FCGR3A: variants seen among roughly 807,000 people sequenced by gnomAD.
FCGR3A encodes low affinity immunoglobulin gamma Fc region receptor III-A.
Under a neutral mutation model 24.1 loss-of-function variants are expected in FCGR3A, and 13 were observed. That is an observed-to-expected ratio of 0.54 (90% CI 0.35 to 0.86). The LOEUF (loss-of-function observed/expected upper bound fraction) is 0.86. FCGR3A is among the 40% of genes least tolerant of loss of function. The pLI is 0.01. For synonymous variants in FCGR3A, 93 were observed against 112.2 expected, an observed-to-expected ratio of 0.83 and a Z score of 1.08; for missense variants, 235 against 298.0, an observed-to-expected ratio of 0.79 and a Z score of 1.56.
At chr1:161,550,136 GT>G (rs910881645), upstream of FCGR3A, 3 of 515,724 alleles carry the variant, frequency 5.8e-6, no homozygotes, top group Admixed American at 7.3e-5. Flanking sequence ...GAGATTCAAG[GT>G]GGGAGGAGCA....
At position 161,544,689 on chromosome 1, in the gene FCGR3A, C is replaced by T; in HGVS notation, c.577+12G>A. ...GGCGTCCCTGGGCATTCCAGGGTGG[C>T]ACATGTCTCACCTTGAGTGATGGTG... On this transcript the variant is annotated intron_variant, in intron 4 of 4. Transcript: ENST00000443193. 1 of 1,610,590 alleles carries T rather than the reference C, an allele frequency of 6.2e-7. No homozygotes were observed. The highest frequency in any genetic ancestry group is 1.1e-5 in the South Asian group (1 of 90,860).
At position 161,549,712 on chromosome 1, in the gene FCGR3A, C is replaced by G. The variant is rs58856594; in HGVS notation, c.25G>C (p.Ala9Pro). 7 of 1,613,872 alleles carry G rather than the reference C, an allele frequency of 4.3e-6. No homozygotes were observed. The highest frequency in any genetic ancestry group is 1.7e-4 in the Middle Eastern group (1 of 6,060). Residue 9 changes from alanine (A) to proline (P), a missense_variant, in exon 1 of 5, where the codon GCT becomes CCT. Coordinates refer to ENST00000443193, the MANE Select transcript of FCGR3A (RefSeq NM_000569.8). MWQLLLPT[A>P]LLLLVSAGMR... is the part of the protein sequence containing the mutation. ...CCTGACTTACCTAGAAGTAGCAGAG[C>G]AGTTGGGAGGAGCAGCTGCCACATG...
At chr1:161,546,484 C>T (rs193150814) in intron 3 of FCGR3A, among the ~76,000 whole-genome samples, 2 of 152,168 alleles carry the variant, frequency 1.3e-5, no homozygotes, top group Admixed American at 1.3e-4. Flanking sequence ...AAAGAATCTA[C>T]AGTCTAGACA....
At position 161,542,332 on chromosome 1, in the gene FCGR3A, A is replaced by G. The variant is rs1380390576; in HGVS notation, c.*680T>C. 1 of 137,484 alleles carries G rather than the reference A, an allele frequency of 7.3e-6. No homozygotes were observed. The highest frequency in any genetic ancestry group is 1.5e-5 in the Non-Finnish European group (1 of 66,254). The allele number at this position is 137,484 out of a possible 1,614,324, so 8.5% of individuals were successfully genotyped here. A position where few individuals can be genotyped will look rare whatever the true frequency, so the allele number is the denominator to read the frequency against. ...CTTCCTAGGACCATTTTCTACTCCTAGCATTAAGAGGACTCATCGTTATAT... is the reference window on the plus strand; with the variant it reads ...CTTCCTAGGACCATTTTCTACTCCTGGCATTAAGAGGACTCATCGTTATAT... On this transcript the variant is annotated 3_prime_UTR_variant, in exon 5 of 5. Transcript: ENST00000443193.
chr1:161,548,134 A>G (rs1156926493), intron 3 of FCGR3A, among the ~76,000 whole-genome samples: 2 of 152,304 alleles, frequency 1.3e-5, no homozygotes, highest in East Asian at 3.8e-4. Flanking sequence ...CATCTATGCC[A>G]TGGCCTAACC....
In FCGR3A at chr1:161,543,098, A is replaced by T. The variant is rs1195947375; in HGVS notation, c.679T>A (p.Phe227Ile). 6.2e-7 allele frequency: 1 copy of T among 1,613,366 alleles called. No homozygotes were observed. Residue 227 changes from phenylalanine to isoleucine, a missense_variant, in exon 5 of 5, where the codon TTC becomes ATC. Transcript: ENST00000443193. ...LLFAVDTGLY[F>I]SVKTNIRSST... ...CTTCGAATGTTTGTCTTCACAGAGA[A>T]ATATAGTCCTGTGTCCACTGCAAAA... is the stretch of plus-strand genomic sequence containing the variant.
chr1:161,548,121 G>T (rs1368395561), intron 3 of FCGR3A, among the ~76,000 whole-genome samples: 1 of 152,270 alleles, frequency 6.6e-6, no homozygotes, highest in Non-Finnish European at 1.5e-5. Context: ...AACTATTATT[G>T]AGCATCTATG....
chr1:161,548,177 A>G (rs977089606), intron 3 of FCGR3A, among the ~76,000 whole-genome samples: 2 of 152,310 alleles, frequency 1.3e-5, no homozygotes, highest in African/African-American at 4.8e-5. Context: ...TATGCACTCC[A>G]TATGGGGATT....
At chr1:161,549,905 G>C (rs1677672187), upstream of FCGR3A, 3 of 1,581,224 alleles carry the variant, frequency 1.9e-6, no homozygotes, top group Non-Finnish European at 2.6e-6. Flanking sequence ...TCTGAAGTCT[G>C]GCAAGGGAGC....
chr1:161,545,536 C>T (rs55971447), intron 3 of FCGR3A: 13,125 of 153,284 alleles, frequency 0.086, 836 homozygotes, highest in Middle Eastern at 0.12. Context: ...CCTGGCAATT[C>T]GTGGTTTCTA....
At chr1:161,548,064 C>G (rs1354038434) in intron 3 of FCGR3A, among the ~76,000 whole-genome samples, 1 of 152,244 alleles carries the variant, frequency 6.6e-6, no homozygotes, top group Non-Finnish European at 1.5e-5. Context: ...GAGTGATACT[C>G]TGTCTCAAAA....
At chr1:161,546,599 C>G (rs1159320840) in intron 3 of FCGR3A, among the ~76,000 whole-genome samples, 3 of 151,982 alleles carry the variant, frequency 2.0e-5, no homozygotes, top group African/African-American at 7.3e-5. Context: ...TAAAGAAATT[C>G]TGCCTGAAAG....
At chr1:161,546,637 G>A (rs1000155393) in intron 3 of FCGR3A, among the ~76,000 whole-genome samples, 1 of 152,018 alleles carries the variant, frequency 6.6e-6, no homozygotes, top group Non-Finnish European at 1.5e-5. Flanking sequence ...TGGGCGCGGT[G>A]GCTCACATCT....
Position 161,542,711 on chromosome 1 carries a change from C to A in FCGR3A, c.*301G>T. The A allele has an allele frequency of 3.8e-6, 1 of 259,794 alleles. No individual in the cohort carries two copies. Among genetic ancestry groups the A allele is most frequent in the South Asian group, 9.6e-5 (1 of 10,384 alleles). The allele number at this position is 259,794 out of a possible 1,614,324, so 16.1% of individuals were successfully genotyped here. A position where few individuals can be genotyped will look rare whatever the true frequency, so the allele number is the denominator to read the frequency against. On this transcript the variant is annotated 3_prime_UTR_variant, in exon 5 of 5. Transcript: ENST00000443193. Reference sequence around the variant, plus strand: ...TTTGTATGTTTAAAGGATTACCATCCCTAGCCTGTATTGTTGCTTTGCTGT... The same window carrying A: ...TTTGTATGTTTAAAGGATTACCATCACTAGCCTGTATTGTTGCTTTGCTGT...
Position 161,548,632 on chromosome 1 carries a change from C to T in FCGR3A, c.108G>A (p.Arg36=), listed in dbSNP as rs403016. 3.1e-6 allele frequency: 5 copies of T among 1,612,894 alleles called. No homozygotes were observed. The highest frequency in any genetic ancestry group is 3.4e-6 in the Non-Finnish European group (4 of 1,179,688). ...AVVFLEPQWY[R]VLEKDSVTLK... ...GAGTCACACTGTCCTTCTCGAGCAC[C>T]CTGTACCATTGAGGCTCCAGGAACA... The change falls in exon 3 of 5, where the codon AGG becomes AGA. Residue 36 remains arginine (R), a synonymous_variant. Coordinates refer to ENST00000443193, the MANE Select transcript of FCGR3A (RefSeq NM_000569.8).
chr1:161,548,941 C>G (rs1677603367), intron 2 of FCGR3A, 70 bp downstream of exon 2: 10 of 1,538,916 alleles, frequency 6.5e-6, no homozygotes, highest in Non-Finnish European at 9.0e-6. Context: ...CAAGCATTTC[C>G]CAATATCTTA....
At chr1:161,547,355 C>T (rs1677468007) in intron 3 of FCGR3A, among the ~76,000 whole-genome samples, 1 of 152,106 alleles carries the variant, frequency 6.6e-6, no homozygotes, top group African/African-American at 2.4e-5. Context: ...CCCTTCTTCC[C>T]CCAAAGCTTG....
At chr1:161,550,078 A>C, upstream of FCGR3A, 1 of 592,218 alleles carries the variant, frequency 1.7e-6, no homozygotes, top group Non-Finnish European at 3.0e-6. Context: ...CATCTCCTGG[A>C]TTTGGATCCA....
rs754802006 is a variant in FCGR3A, at chr1:161,549,778, G to T, written c.-42C>A. On this transcript the variant is annotated 5_prime_UTR_variant, in exon 1 of 5. Coordinates refer to ENST00000443193, the MANE Select transcript of FCGR3A (RefSeq NM_000569.8). ...GGACAAGTCACCAAAGATATCCGGA[G>T]CCCTAAAGGGACCAAACCGACTAGA... The T allele has an allele frequency of 6.8e-6, 11 of 1,613,888 alleles. No individual in the cohort carries two copies. The highest frequency in any genetic ancestry group is 3.3e-4 in the Middle Eastern group (2 of 6,062).
Sources: allele counts gnomAD v4.1 joint callset (sites outside exome capture counted in the v4.1 genomes callset), GRCh38; gene constraint gnomAD v4.1.1; transcripts MANE v1.5; gene names NCBI Gene and HGNC (gene_info 2026-07-23, HGNC 2026-07-21).